The following MANBA variants were observed in gnomAD, a reference collection of about 807,000 sequenced individuals.
MANBA encodes the protein beta-mannosidase.
Under a neutral mutation model 111.1 loss-of-function variants are expected in MANBA, and 83 were observed. That is an observed-to-expected ratio of 0.75 (90% CI 0.63 to 0.90). MANBA has a LOEUF of 0.90. Ranked by LOEUF, MANBA falls within the 40% of genes least tolerant of loss-of-function variation. The pLI, the probability that MANBA is intolerant of heterozygous loss-of-function variation, is 0.00. For missense variants in MANBA, 1,036 were observed against 1,069.0 expected (o/e 0.97, Z 0.43); for synonymous variants, 370 against 378.7 (o/e 0.98, Z 0.27).
chr4:102,682,095 C>T (rs1016161355), intron 7 of MANBA, among the ~76,000 whole-genome samples: 3 of 148,000 alleles, frequency 2.0e-5, no homozygotes, highest in East Asian at 2.0e-4. Flanking sequence ...TGCAGTGAGC[C>T]GAGATCACGC....
intron 1 of MANBA, chr4:102,727,525 C>A: frequency 6.3e-7 from 1 of 1,575,458 alleles, no homozygotes; most frequent in Non-Finnish European, 8.7e-7. Context: ...GATGAGGGGC[C>A]GTAGCTGCTG....
At chr4:102,731,504 A>T (rs1723031842) in intron 1 of MANBA, among the ~76,000 whole-genome samples, 1 of 152,192 alleles carries the variant, frequency 6.6e-6, no homozygotes, top group Non-Finnish European at 1.5e-5. Flanking sequence ...ACTTATTAAC[A>T]TCAGGTTTCT....
intron 1 of MANBA, among the ~76,000 whole-genome samples, chr4:102,745,637 T>C (rs999688498): frequency 6.6e-6 from 1 of 152,180 alleles, no homozygotes; most frequent in Non-Finnish European, 1.5e-5. Context: ...CTTTTATCCA[T>C]ATTTCAGCTA....
intron 4 of MANBA, among the ~76,000 whole-genome samples, chr4:102,720,427 T>G (rs1722517675): frequency 7.7e-6 from 1 of 129,160 alleles, no homozygotes; most frequent in Non-Finnish European, 1.6e-5. Flanking sequence ...AGAGCAAGAC[T>G]CAGTCTCAAA....
At position 102,760,829 on chromosome 4, in the gene MANBA, A is replaced by G. The variant is rs1724216422; in HGVS notation, c.66T>C (p.Ser22=). ...CGAGTTAAEL[S]YSLRGNWSIC... ...TGCTCCAGTTGCCACGCAAGCTGTA[A>G]CTGAGCTCCGCGGCGGTGGTGCCTG... The change falls in exon 1 of 17, where the codon AGT becomes AGC. Residue 22 remains serine (S), a synonymous_variant. Transcript: ENST00000647097. 1 of 1,569,058 alleles carries G rather than the reference A, an allele frequency of 6.4e-7. No individual in the cohort carries two copies. Among genetic ancestry groups the G allele is most frequent in the Non-Finnish European group, 8.6e-7 (1 of 1,157,330 alleles).
chr4:102,731,016 G>A (rs1723014139), intron 1 of MANBA, among the ~76,000 whole-genome samples: 1 of 152,014 alleles, frequency 6.6e-6, no homozygotes, highest in African/African-American at 2.4e-5. Flanking sequence ...AGCCAATTGG[G>A]TCAGCTCAAA....
rs572899703 is a variant in MANBA, at chr4:102,645,160, CT to C, written c.1870-5304del. ...TTCTTTACTAATATGGTTTATTATACTGATTAACTTTCATATATCGAATCAA... is the reference window on the plus strand; with the variant it reads ...TTCTTTACTAATATGGTTTATTATACGATTAACTTTCATATATCGAATCAA... On this transcript the variant is annotated intron_variant, in intron 13 of 16. Coordinates refer to ENST00000647097, the MANE Select transcript of MANBA (RefSeq NM_005908.4). Among the ~76,000 whole-genome samples, 320 of 151,972 alleles carry C rather than the reference CT, an allele frequency of 2.1e-3. 1 individual carries two copies. Among genetic ancestry groups the C allele is most frequent in the African/African-American group, 7.5e-3 (313 of 41,492 alleles).
chr4:102,696,598 A>G (rs998849970), intron 5 of MANBA, among the ~76,000 whole-genome samples: 1 of 152,220 alleles, frequency 6.6e-6, no homozygotes, highest in Non-Finnish European at 1.5e-5. Context: ...GTGAAAGTTC[A>G]GAGGCAGGGC....
chr4:102,668,870 G>C, intron 10 of MANBA, 93 bp downstream of exon 10: 1 of 1,015,642 alleles, frequency 9.8e-7, no homozygotes, highest in Non-Finnish European at 1.5e-6. Flanking sequence ...GGATTTAGTA[G>C]AGAACAAAAA....
intron 10 of MANBA, chr4:102,666,964 T>G (rs1267786005): frequency 6.6e-6 from 1 of 152,158 alleles, no homozygotes; most frequent in Admixed American, 6.5e-5. Context: ...TTCTGTATGG[T>G]TTTTCACAAA....
chr4:102,675,915 G>A (rs961468114), intron 7 of MANBA, among the ~76,000 whole-genome samples: 12 of 151,822 alleles, frequency 7.9e-5, no homozygotes, highest in Non-Finnish European at 1.8e-4. Flanking sequence ...AGTTTGCAGC[G>A]AGCCAAGATT....
At chr4:102,655,898 T>C (rs1730537256) in intron 12 of MANBA, among the ~76,000 whole-genome samples, 1 of 152,070 alleles carries the variant, frequency 6.6e-6, no homozygotes, top group Non-Finnish European at 1.5e-5. Context: ...CCTGATAAAA[T>C]CTTATAGCCA....
chr4:102,695,895 T>C (rs1415788253), intron 5 of MANBA, among the ~76,000 whole-genome samples: 2 of 152,184 alleles, frequency 1.3e-5, no homozygotes, highest in South Asian at 4.1e-4. Context: ...GGCACTGTAA[T>C]AATAAAATGT....
At chr4:102,685,319 A>G (rs1323374672) in intron 7 of MANBA, among the ~76,000 whole-genome samples, 2 of 152,228 alleles carry the variant, frequency 1.3e-5, no homozygotes, top group African/African-American at 4.8e-5. Flanking sequence ...AATAAAAAAT[A>G]AAATGTTGTT....
intron 7 of MANBA, among the ~76,000 whole-genome samples, chr4:102,685,430 A>G (rs1732165971): frequency 6.6e-6 from 1 of 152,154 alleles, no homozygotes; most frequent in African/African-American, 2.4e-5. Context: ...AATATACTTT[A>G]AATGGTCCTA....
intron 1 of MANBA, among the ~76,000 whole-genome samples, chr4:102,740,181 C>T (rs1723351780): frequency 6.6e-6 from 1 of 152,088 alleles, no homozygotes; most frequent in African/African-American, 2.4e-5. Flanking sequence ...AAGAACTCAA[C>T]CCCTTTTACA....
At chr4:102,665,106 A>T (rs1731160917) in intron 10 of MANBA, 4 of 425,784 alleles carry the variant, frequency 9.4e-6, no homozygotes, top group Non-Finnish European at 1.7e-5. Context: ...ACTGAAGATA[A>T]TATAATCCCT....
At chr4:102,647,244 G>C (rs1578866706) in intron 13 of MANBA, among the ~76,000 whole-genome samples, 2 of 147,538 alleles carry the variant, frequency 1.4e-5, no homozygotes, top group African/African-American at 5.0e-5. Flanking sequence ...ATCACAGATA[G>C]CATCTAGTAT....
chr4:102,753,383 C>T (rs936022633), intron 1 of MANBA, among the ~76,000 whole-genome samples: 1 of 151,790 alleles, frequency 6.6e-6, no homozygotes, highest in Non-Finnish European at 1.5e-5. Context: ...TACATAAATA[C>T]GTATTTTTAA....
Sources: allele counts gnomAD v4.1 joint callset (sites outside exome capture counted in the v4.1 genomes callset), GRCh38; gene constraint gnomAD v4.1.1; transcripts MANE v1.5; gene names NCBI Gene and HGNC (gene_info 2026-07-23, HGNC 2026-07-21).